PDE7B: variants seen among roughly 807,000 people sequenced by gnomAD.
The protein encoded by PDE7B is 3',5'-cyclic-AMP phosphodiesterase 7B.
PDE7B carries 29 observed loss-of-function variants against 56.2 expected under a neutral mutation model. The observed-to-expected ratio is 0.52, with a 90% confidence interval of 0.38 to 0.70. The LOEUF is 0.70. Among genes scored for constraint, PDE7B ranks in the 30% least tolerant of loss-of-function variants. PDE7B has a pLI of 0.00. For missense variants in PDE7B, 490 were observed against 565.0 expected, an observed-to-expected ratio of 0.87 and a Z score of 1.35; for synonymous variants, 197 against 196.9, an observed-to-expected ratio of 1.00 and a Z score of 0.00.
intron 8 of PDE7B, among the ~76,000 whole-genome samples, chr6:136,169,071 C>G (rs1439820525): frequency 6.6e-6 from 1 of 152,128 alleles, no homozygotes; most frequent in Admixed American, 6.5e-5. Context: ...CTCAGCTACT[C>G]ACTAGCTCTG....
At chr6:135,963,152 A>G (rs1774937208) in intron 2 of PDE7B, among the ~76,000 whole-genome samples, 1 of 152,196 alleles carries the variant, frequency 6.6e-6, no homozygotes, top group Non-Finnish European at 1.5e-5. Context: ...GCACGTGCAC[A>G]TATACACATG....
intron 2 of PDE7B, among the ~76,000 whole-genome samples, chr6:136,038,742 G>T (rs1776368958): frequency 6.6e-6 from 1 of 152,096 alleles, no homozygotes; most frequent in African/African-American, 2.4e-5. Context: ...AAGAAACCTG[G>T]GTCCTGGACT....
intron 1 of PDE7B, among the ~76,000 whole-genome samples, chr6:135,925,275 G>A (rs1282409797): frequency 6.6e-6 from 1 of 152,080 alleles, no homozygotes; most frequent in East Asian, 1.9e-4. Flanking sequence ...AGTGAACACT[G>A]GGGAATGTTA....
intron 2 of PDE7B, among the ~76,000 whole-genome samples, chr6:135,967,224 A>G (rs1287377635): frequency 6.6e-6 from 1 of 152,156 alleles, no homozygotes; most frequent in Non-Finnish European, 1.5e-5. Context: ...ATTGTACACC[A>G]TAATCTCTCT....
At position 136,181,158 on chromosome 6, in the gene PDE7B, T is replaced by C. The variant is rs1779057315; in HGVS notation, c.949-69T>C. 3 of 1,075,544 alleles carry C rather than the reference T, an allele frequency of 2.8e-6. No individual in the cohort carries two copies. The Admixed American group carries it at 5.1e-5, about 18-fold the overall frequency. The allele number at this position is 1,075,544 out of a possible 1,614,324, so 66.6% of individuals were successfully genotyped here. A position where few individuals can be genotyped will look rare whatever the true frequency, so the allele number is the denominator to read the frequency against. ...AGACTGAACAGCTTGATAGCCTCTTTGGCTTGGGGTGCTTTTGCAACTGAA... is the reference window on the plus strand; with the variant it reads ...AGACTGAACAGCTTGATAGCCTCTTCGGCTTGGGGTGCTTTTGCAACTGAA... On this transcript the variant is annotated intron_variant, in intron 10 of 12. Coordinates refer to ENST00000308191, the MANE Select transcript of PDE7B (RefSeq NM_018945.4).
intron 2 of PDE7B, chr6:136,038,587 T>G: frequency 8.3e-7 from 1 of 1,208,038 alleles, no homozygotes; most frequent in Non-Finnish European, 1.1e-6. Flanking sequence ...TAACTCCCTT[T>G]CTTTGTAGAG....
At chr6:135,858,206 G>A (rs1775074327) in intron 1 of PDE7B, among the ~76,000 whole-genome samples, 1 of 152,010 alleles carries the variant, frequency 6.6e-6, no homozygotes, top group Non-Finnish European at 1.5e-5. Context: ...AGGGTGGAGT[G>A]AAGTGGCACG....
chr6:136,004,829 T>G (rs1343514956), intron 2 of PDE7B, among the ~76,000 whole-genome samples: 1 of 152,078 alleles, frequency 6.6e-6, no homozygotes, highest in Non-Finnish European at 1.5e-5. Flanking sequence ...CCAATGACTT[T>G]CTTCACAGAA....
At chr6:135,869,461 T>A (rs1448288596) in intron 1 of PDE7B, among the ~76,000 whole-genome samples, 1 of 152,120 alleles carries the variant, frequency 6.6e-6, no homozygotes, top group Non-Finnish European at 1.5e-5. Flanking sequence ...GTCAGTACTT[T>A]TAGGTGAGAG....
At chr6:136,075,973 G>A (rs1583867730) in intron 2 of PDE7B, among the ~76,000 whole-genome samples, 1 of 152,272 alleles carries the variant, frequency 6.6e-6, no homozygotes, top group Admixed American at 6.5e-5. Context: ...AATGTGGTAG[G>A]TTGAATATAC....
chr6:135,968,488 A>C (rs1775037588), intron 2 of PDE7B, among the ~76,000 whole-genome samples: 1 of 152,236 alleles, frequency 6.6e-6, no homozygotes, highest in African/African-American at 2.4e-5. Context: ...GGCAAATGAC[A>C]TGAACAGACA....
chr6:135,963,654 A>G (rs1464348121), intron 2 of PDE7B, among the ~76,000 whole-genome samples: 2 of 152,166 alleles, frequency 1.3e-5, no homozygotes, highest in African/African-American at 4.8e-5. Context: ...AACATGTATT[A>G]CTTTCATAAT....
At chr6:136,158,488 A>G (rs1778648781) in intron 8 of PDE7B, among the ~76,000 whole-genome samples, 1 of 152,220 alleles carries the variant, frequency 6.6e-6, no homozygotes, top group African/African-American at 2.4e-5. Context: ...CAGACTTACT[A>G]TAAATGAGAT....
chr6:136,159,995 T>TGCTCATTCTAAGTTATA (rs1369445498), intron 8 of PDE7B, among the ~76,000 whole-genome samples: 1 of 152,204 alleles, frequency 6.6e-6, no homozygotes, highest in African/African-American at 2.4e-5. Flanking sequence ...TTGTTTTGTT[T>TGCTCATTCTAAGTTATA]TTAGGGTGAA....
intron 2 of PDE7B, among the ~76,000 whole-genome samples, chr6:136,059,303 A>C (rs937736322): frequency 6.6e-6 from 1 of 152,236 alleles, no homozygotes; most frequent in Admixed American, 6.5e-5. Flanking sequence ...GAAAAGATGG[A>C]AGAATGAATG....
intron 2 of PDE7B, among the ~76,000 whole-genome samples, chr6:136,022,755 G>T (rs1279258841): frequency 6.6e-6 from 1 of 152,198 alleles, no homozygotes; most frequent in African/African-American, 2.4e-5. Context: ...TGCAGGCAAG[G>T]AGCTTTGTAC....
At chr6:135,852,921 T>C (rs1774964306) in intron 1 of PDE7B, among the ~76,000 whole-genome samples, 1 of 152,214 alleles carries the variant, frequency 6.6e-6, no homozygotes, top group Non-Finnish European at 1.5e-5. Context: ...GGCATTCATA[T>C]ACAGTAAACA....
At position 136,068,489 on chromosome 6, in the gene PDE7B, G is replaced by C. The variant is rs1776987933; in HGVS notation, c.83-40242G>C. Among the ~76,000 whole-genome samples the C allele has an allele frequency of 2.0e-5, 3 of 146,490 alleles. No individual in the cohort carries two copies. The South Asian group carries it at 6.6e-4, about 32-fold the overall frequency. On this transcript the variant is annotated intron_variant, in intron 2 of 12. Transcript: ENST00000308191. ...TCTGTCTCCCAGGCTGGAGTGCAGT[G>C]GCGCGATCTCGGCTGACTGCAAGCT...
At chr6:136,049,193 C>T (rs1228584215) in intron 2 of PDE7B, 6 of 152,524 alleles carry the variant, frequency 3.9e-5, no homozygotes, top group Admixed American at 2.6e-4. Context: ...GCCTTGAACT[C>T]CTAGGCTCAA....
Sources: allele counts gnomAD v4.1 joint callset (sites outside exome capture counted in the v4.1 genomes callset), GRCh38; gene constraint gnomAD v4.1.1; transcripts MANE v1.5; gene names NCBI Gene and HGNC (gene_info 2026-07-23, HGNC 2026-07-21).